The following IZUMO2 variants were observed in gnomAD, a reference collection of about 807,000 sequenced individuals.
IZUMO2 encodes IZUMO family member 2.
IZUMO2 carries 24 observed loss-of-function variants against 31.2 expected under a neutral mutation model. The observed-to-expected ratio is 0.77, with a 90% confidence interval of 0.56 to 1.08. The LOEUF is 1.08. Among genes scored for constraint, IZUMO2 ranks in the 50% least tolerant of loss-of-function variants. IZUMO2 has a pLI of 0.00. For missense variants in IZUMO2, 278 were observed against 274.0 expected, an observed-to-expected ratio of 1.01 and a Z score of -0.10; for synonymous variants, 144 against 117.3, an observed-to-expected ratio of 1.23 and a Z score of -1.47.
chr19:50,161,365 ACCGT>A (rs2030395194), intron 2 of IZUMO2, among the ~76,000 whole-genome samples: 1 of 151,754 alleles, frequency 6.6e-6, no homozygotes, highest in South Asian at 2.1e-4. Context: ...CAGGTGACCC[ACCGT>A]CCTCAGCCTC....
intron 1 of IZUMO2, 30 bp from the exon 2 acceptor site, chr19:50,162,843 T>C (rs1309150007): frequency 6.2e-7 from 1 of 1,609,866 alleles, no homozygotes; most frequent in Admixed American, 1.7e-5. Context: ...GACACTCCAG[T>C]GAGCCCCCCA....
intron 5 of IZUMO2, 102 bp downstream of exon 5, chr19:50,158,166 G>A (rs1006402153): frequency 2.9e-5 from 19 of 651,000 alleles, no homozygotes; most frequent in Non-Finnish European, 2.9e-5. Flanking sequence ...GGCAGGATTC[G>A]AGGCTGCATG....
chr19:50,154,264 G>GTTTTTTTGTTTTTTTTTTTTTTTTTT lies in IZUMO2; in HGVS notation c.623+335_623+336insAAAAAAAAAAAAAAAAAACAAAAAAA, dbSNP rs2030129784. On this transcript the variant is annotated intron_variant, in intron 6 of 6. Coordinates refer to ENST00000293405, the MANE Select transcript of IZUMO2 (RefSeq NM_152358.3). ...GCATCCACCAAATATAACTTTTAGC[G>GTTTTTTTGTTTTTTTTTTTTTTTTTT]TTTTTTTTTTTTTTTTTTTTTTTTT... Among the ~76,000 whole-genome samples the GTTTTTTTGTTTTTTTTTTTTTTTTTT allele has an allele frequency of 2.5e-5, 2 of 79,280 alleles. 1 individual carries two copies. The highest frequency in any genetic ancestry group is 9.3e-5 in the African/African-American group (2 of 21,566). 52.0% of individuals were successfully genotyped at this position (79,280 alleles called of 152,430 possible). A position where few individuals can be genotyped will look rare whatever the true frequency, so the allele number is the denominator to read the frequency against.
chr19:50,160,142 C>T (rs749157517), intron 2 of IZUMO2: 1 of 153,532 alleles, frequency 6.5e-6, no homozygotes, highest in Non-Finnish European at 1.4e-5. Flanking sequence ...AGCCACCGCA[C>T]CCGACCTCTT....
chr19:50,158,140 C>CT, intron 5 of IZUMO2, 128 bp downstream of exon 5: 1 of 525,468 alleles, frequency 1.9e-6, no homozygotes, highest in Non-Finnish European at 3.4e-6. Context: ...GGGCCACACT[C>CT]TAAGCAAATG....
chr19:50,157,388 C>T (rs2030246763), intron 5 of IZUMO2, among the ~76,000 whole-genome samples: 1 of 150,584 alleles, frequency 6.6e-6, no homozygotes, highest in African/African-American at 2.4e-5. Flanking sequence ...CTGCAGCCTC[C>T]ACCTCCTATA....
intron 5 of IZUMO2, among the ~76,000 whole-genome samples, chr19:50,157,653 T>C (rs1292126800): frequency 9.1e-6 from 1 of 109,680 alleles, no homozygotes; most frequent in Non-Finnish European, 1.8e-5. Flanking sequence ...AGGCTGGGCA[T>C]GGTGGCTCAC....
Position 50,159,590 on chromosome 19 carries a change from G to T in IZUMO2, c.308-10C>A. 1.3e-6 allele frequency: 2 copies of T among 1,595,972 alleles called. No individual in the cohort carries two copies. The highest frequency in any genetic ancestry group is 1.7e-6 in the Non-Finnish European group (2 of 1,163,676). On this transcript the variant is annotated splice_polypyrimidine_tract_variant and intron_variant, in intron 2 of 6. Transcript: ENST00000293405. ...TCCAGCAGAGGCTCATCTGAGGAGA[G>T]AAAGAGATCTCTGTGGGGTGGGAGG...
At chr19:50,159,351 G>A (rs1414923243) in intron 3 of IZUMO2, 101 bp from the exon 4 acceptor site, 8 of 1,353,514 alleles carry the variant, frequency 5.9e-6, no homozygotes, top group Non-Finnish European at 7.3e-6. Context: ...GGCTGGGAAA[G>A]GAGAGAAGGG....
intron 4 of IZUMO2, 39 bp from the exon 5 acceptor site, chr19:50,158,387 T>C (rs1771588065): frequency 7.3e-7 from 1 of 1,364,960 alleles, no homozygotes; most frequent in Non-Finnish European, 1.0e-6. Context: ...CAAGGGCAGA[T>C]ATCAGAGGAC....
At position 50,159,526 on chromosome 19, in the gene IZUMO2, A is replaced by G; in HGVS notation, c.362T>C (p.Phe121Ser). 1 of 1,613,178 alleles carries G rather than the reference A, an allele frequency of 6.2e-7. No individual in the cohort carries two copies. ...TTCATATGAAATTAAAACTTTCTTG[A>G]ATTCCTTGATCACATTCGCCCTGAG... ...VTLRANVIKE[F>S]KKVLISYELK... Residue 121 changes from phenylalanine to serine, a missense_variant, in exon 3 of 7, where the codon TTC (phenylalanine) becomes TCC (serine). Transcript: ENST00000293405.
chr19:50,154,836 G>T, intron 5 of IZUMO2, 110 bp from the exon 6 acceptor site: 1 of 1,250,162 alleles, frequency 8.0e-7, no homozygotes, highest in Non-Finnish European at 1.1e-6. Flanking sequence ...GGGGTGGGGC[G>T]CTCTCTCTTC....
chr19:50,163,134 A>T lies in IZUMO2; in HGVS notation c.61T>A (p.Cys21Ser). 6.3e-7 allele frequency: 1 copy of T among 1,592,044 alleles called. No individual in the cohort carries two copies. Among genetic ancestry groups the T allele is most frequent in the Middle Eastern group, 1.8e-4 (1 of 5,550 alleles). Residue 21 changes from cysteine to serine, a missense_variant, in exon 1 of 7, where the codon TGC becomes AGC. By Grantham distance (112) the Cys-to-Ser change is moderately radical. Transcript: ENST00000293405. Reference sequence around the variant, plus strand: ...AGCACCAAGGGGTCGCACTGCAGGCAGCCCCAGCCTCCGGGGGCGCCCAAG... The same window carrying T: ...AGCACCAAGGGGTCGCACTGCAGGCTGCCCCAGCCTCCGGGGGCGCCCAAG... ...SGLGAPGGWGCLQCDPLVLEA... is the reference protein window; with the variant it reads ...SGLGAPGGWGSLQCDPLVLEA...
At chr19:50,155,458 C>T (rs2030182570) in intron 5 of IZUMO2, among the ~76,000 whole-genome samples, 1 of 152,166 alleles carries the variant, frequency 6.6e-6, no homozygotes, top group Admixed American at 6.6e-5. Flanking sequence ...GTGCAAAATG[C>T]GAACAGTTTC....
intron 4 of IZUMO2, among the ~76,000 whole-genome samples, chr19:50,158,736 C>A (rs1275430479): frequency 6.6e-6 from 1 of 152,126 alleles, no homozygotes; most frequent in African/African-American, 2.4e-5. Context: ...CCCAGGGTGC[C>A]TTTCAGTAAA....
chr19:50,154,535 G>GTC, intron 6 of IZUMO2, 65 bp downstream of exon 6: 1 of 1,566,896 alleles, frequency 6.4e-7, no homozygotes. Context: ...ATCCAGGGGA[G>GTC]TCGCCATTTT....
chr19:50,158,669 C>T (rs902341009), intron 4 of IZUMO2, among the ~76,000 whole-genome samples: 2 of 152,142 alleles, frequency 1.3e-5, no homozygotes, highest in Admixed American at 6.6e-5. Flanking sequence ...GGTGAGATGT[C>T]TCCTCTTTGG....
chr19:50,157,910 TAAA>T (rs35022444), intron 5 of IZUMO2, among the ~76,000 whole-genome samples: 2 of 110,816 alleles, frequency 1.8e-5, no homozygotes, highest in Non-Finnish European at 2.0e-5. Context: ...AGAATCCATA[TAAA>T]AAAAAAAAAA....
At chr19:50,158,807 C>T (rs2030299172) in intron 4 of IZUMO2, among the ~76,000 whole-genome samples, 1 of 152,128 alleles carries the variant, frequency 6.6e-6, no homozygotes, top group African/African-American at 2.4e-5. Context: ...TGTGTCCCTT[C>T]CAGGCTTGGC....
Sources: allele counts gnomAD v4.1 joint callset (sites outside exome capture counted in the v4.1 genomes callset), GRCh38; gene constraint gnomAD v4.1.1; transcripts MANE v1.5; gene names NCBI Gene and HGNC (gene_info 2026-07-23, HGNC 2026-07-21).